The following ALCAM variants were observed in gnomAD, a reference collection of about 807,000 sequenced individuals.
ALCAM encodes the protein CD166 antigen.
ALCAM carries 30 observed loss-of-function variants against 70.9 expected under a neutral mutation model. That is an observed-to-expected ratio of 0.42 (90% CI 0.32 to 0.57). ALCAM has a LOEUF of 0.57. ALCAM is among the 20% of genes least tolerant of loss of function. The pLI is 0.11. For missense variants in ALCAM, 591 were observed against 695.1 expected, an observed-to-expected ratio of 0.85 and a Z score of 1.68; for synonymous variants, 249 against 242.5, an observed-to-expected ratio of 1.03 and a Z score of -0.25.
At chr3:105,497,588 G>A (rs1938783244) in intron 1 of ALCAM, among the ~76,000 whole-genome samples, 1 of 152,126 alleles carries the variant, frequency 6.6e-6, no homozygotes. Flanking sequence ...TGGTTTTGTG[G>A]TGACATTCAT....
At chr3:105,519,380 A>G (rs1939470695) in intron 1 of ALCAM, among the ~76,000 whole-genome samples, 1 of 152,002 alleles carries the variant, frequency 6.6e-6, no homozygotes, top group Non-Finnish European at 1.5e-5. Flanking sequence ...TTGTGGTTTA[A>G]ATTATATTGT....
At position 105,547,400 on chromosome 3, in the gene ALCAM, A is replaced by G. The variant is rs1940275905; in HGVS notation, c.1251A>G (p.Gln417=). ...SLTLIVEGKP[Q]IKMTKKTDPS... ...ATTGTAATATTTCAGGCAAACCTCA[A>G]ATAAAAATGACAAAGAAAACTGATC... Residue 417 remains glutamine, a synonymous_variant, in exon 11 of 16, where the codon CAA becomes CAG. Coordinates refer to ENST00000306107, the MANE Select transcript of ALCAM (RefSeq NM_001627.4). 2 of 1,604,068 alleles carry G rather than the reference A, an allele frequency of 1.2e-6. No individual in the cohort carries two copies. The highest frequency in any genetic ancestry group is 1.3e-5 in the African/African-American group (1 of 74,174).
At chr3:105,407,717 CA>C (rs1936278847) in intron 1 of ALCAM, among the ~76,000 whole-genome samples, 1 of 152,126 alleles carries the variant, frequency 6.6e-6, no homozygotes, top group Non-Finnish European at 1.5e-5. Context: ...AAGTCCTATT[CA>C]GAGCAATCAG....
chr3:105,568,247 G>C (rs557768722), intron 14 of ALCAM, among the ~76,000 whole-genome samples: 1 of 151,422 alleles, frequency 6.6e-6, no homozygotes, highest in Non-Finnish European at 1.5e-5. Context: ...ATTTTTAGTA[G>C]GGACAAAAAT....
intron 14 of ALCAM, chr3:105,553,173 A>G: frequency 1.4e-5 from 12 of 848,414 alleles, no homozygotes; most frequent in Non-Finnish European, 1.7e-5. Flanking sequence ...GATGTTAAAC[A>G]TTATTAGTTA....
intron 1 of ALCAM, among the ~76,000 whole-genome samples, chr3:105,404,987 C>CA (rs1274289023): frequency 6.6e-6 from 1 of 151,890 alleles, no homozygotes; most frequent in Non-Finnish European, 1.5e-5. Context: ...TTAAAAAAGA[C>CA]AAAGAGGGGG....
intron 2 of ALCAM, among the ~76,000 whole-genome samples, chr3:105,523,464 C>G (rs1471793602): frequency 1.3e-5 from 2 of 152,142 alleles, no homozygotes; most frequent in East Asian, 3.9e-4. Flanking sequence ...TTGTCATGGA[C>G]TATAACATAT....
At chr3:105,540,125 A>T (rs1226615394) in intron 7 of ALCAM, 23 bp downstream of exon 7, 7 of 1,602,364 alleles carry the variant, frequency 4.4e-6, no homozygotes, top group Non-Finnish European at 5.1e-6. Flanking sequence ...GTATTACTTC[A>T]GTTGGATGAC....
chr3:105,569,662 G>T (rs1576247602), intron 14 of ALCAM, among the ~76,000 whole-genome samples: 2 of 152,132 alleles, frequency 1.3e-5, no homozygotes, highest in African/African-American at 4.8e-5. Flanking sequence ...TGATCTTTTG[G>T]ATGCCTACCA....
chr3:105,402,969 G>A (rs6790159), intron 1 of ALCAM, among the ~76,000 whole-genome samples: 76,083 of 139,756 alleles, frequency 0.54, 21,178 homozygotes, highest in East Asian at 0.9. Flanking sequence ...TTTCTTAAAT[G>A]GAGTTTTGCT....
chr3:105,388,975 A>G (rs1225297924), intron 1 of ALCAM, among the ~76,000 whole-genome samples: 1 of 151,606 alleles, frequency 6.6e-6, no homozygotes, highest in African/African-American at 2.4e-5. Context: ...CTGTAAGCCA[A>G]TTTCTTTGTC....
At chr3:105,511,278 A>G (rs6794707) in intron 1 of ALCAM, among the ~76,000 whole-genome samples, 1 of 151,790 alleles carries the variant, frequency 6.6e-6, no homozygotes, top group Non-Finnish European at 1.5e-5. Context: ...GTGACACACC[A>G]TCTCTTAAGG....
intron 1 of ALCAM, among the ~76,000 whole-genome samples, chr3:105,499,487 A>T (rs1038429552): frequency 1.3e-5 from 2 of 152,254 alleles, no homozygotes; most frequent in Non-Finnish European, 2.9e-5. Flanking sequence ...ATGTAACTTT[A>T]ACATGGCTTT....
At chr3:105,383,121 G>T (rs536695786) in intron 1 of ALCAM, among the ~76,000 whole-genome samples, 1 of 151,572 alleles carries the variant, frequency 6.6e-6, no homozygotes, top group Non-Finnish European at 1.5e-5. Flanking sequence ...CCTGAATAAC[G>T]TGTATCCCTA....
At chr3:105,511,250 T>C (rs1337805640) in intron 1 of ALCAM, among the ~76,000 whole-genome samples, 1 of 152,074 alleles carries the variant, frequency 6.6e-6, no homozygotes, top group Non-Finnish European at 1.5e-5. Flanking sequence ...GACTCTCCAT[T>C]CTCACTCAGT....
intron 14 of ALCAM, among the ~76,000 whole-genome samples, chr3:105,553,720 C>A (rs1319989923): frequency 6.6e-6 from 1 of 151,850 alleles, no homozygotes; most frequent in Non-Finnish European, 1.5e-5. Flanking sequence ...GTTCTCACAA[C>A]ACATCTATAA....
At chr3:105,417,884 C>T (rs1936545131) in intron 1 of ALCAM, among the ~76,000 whole-genome samples, 1 of 151,624 alleles carries the variant, frequency 6.6e-6, no homozygotes, top group East Asian at 1.9e-4. Context: ...GATGACAAAC[C>T]ATTTTAGTGT....
At chr3:105,425,831 A>G (rs1232579926) in intron 1 of ALCAM, among the ~76,000 whole-genome samples, 1 of 151,656 alleles carries the variant, frequency 6.6e-6, no homozygotes, top group Admixed American at 6.6e-5. Context: ...GATCATTAAA[A>G]GGGCAAAATA....
chr3:105,443,223 T>C (rs1410198707), intron 1 of ALCAM, among the ~76,000 whole-genome samples: 5 of 152,208 alleles, frequency 3.3e-5, no homozygotes, highest in Non-Finnish European at 7.3e-5. Context: ...GGAAACATTA[T>C]CCATTCAATC....
Sources: allele counts gnomAD v4.1 joint callset (sites outside exome capture counted in the v4.1 genomes callset), GRCh38; gene constraint gnomAD v4.1.1; transcripts MANE v1.5; gene names NCBI Gene and HGNC (gene_info 2026-07-23, HGNC 2026-07-21).